The following ELAVL1 variants were observed in gnomAD, a reference collection of about 807,000 sequenced individuals.
The protein encoded by ELAVL1 is ELAV like RNA binding protein 1.
In ELAVL1, 1 loss-of-function variant was observed where a neutral mutation model predicts 28.4. The observed-to-expected ratio is 0.04, with a 90% CI of 0.01 to 0.17. The LOEUF (loss-of-function observed/expected upper bound fraction) is 0.17. Ranked by LOEUF, ELAVL1 falls within the 10% of genes least tolerant of loss-of-function variation. The pLI, the probability that ELAVL1 is intolerant of heterozygous loss-of-function variation, is 1.00. For missense variants in ELAVL1, 157 were observed against 447.2 expected (o/e 0.35, Z 5.85); for synonymous variants, 174 against 183.5 (o/e 0.95, Z 0.42).
intron 4 of ELAVL1, among the ~76,000 whole-genome samples, chr19:7,968,532 G>A (rs1034749359): frequency 3.3e-5 from 5 of 152,186 alleles, no homozygotes; most frequent in African/African-American, 7.2e-5. Context: ...CCACAGGCTC[G>A]CCAGGCAGGC....
chr19:7,965,001 C>T (rs917268775), intron 5 of ELAVL1, among the ~76,000 whole-genome samples: 1 of 152,210 alleles, frequency 6.6e-6, no homozygotes, highest in Admixed American at 6.5e-5. Flanking sequence ...CCGGGGTAAA[C>T]GAGTGCCTTC....
chr19:7,974,154 A>G (rs1985208505), intron 3 of ELAVL1, among the ~76,000 whole-genome samples: 1 of 152,230 alleles, frequency 6.6e-6, no homozygotes, highest in Non-Finnish European at 1.5e-5. Context: ...CCAGCAACTG[A>G]GGGCCCGCAG....
At chr19:7,968,275 A>T (rs1271521801) in intron 4 of ELAVL1, among the ~76,000 whole-genome samples, 2 of 152,182 alleles carry the variant, frequency 1.3e-5, no homozygotes, top group Non-Finnish European at 2.9e-5. Context: ...CCGCTGTGAC[A>T]GCAGGCCTCG....
At position 7,967,767 on chromosome 19, in the gene ELAVL1, T is replaced by C. The variant is rs1462127678; in HGVS notation, c.454A>G (p.Ile152Val). ...GCCTCCGACCGTTTGTCAAACCGGA[T>C]AAACGCAACCCCTCTGGACAAACCT... ...TTGLSRGVAFIRFDKRSEAEE... is the reference protein window; with the variant it reads ...TTGLSRGVAFVRFDKRSEAEE... The change falls in exon 5 of 6, where the codon ATC becomes GTC. Residue 152 changes from isoleucine to valine, a missense_variant. Coordinates refer to ENST00000407627, the MANE Select transcript of ELAVL1 (RefSeq NM_001419.3). 6.2e-7 allele frequency: 1 copy of C among 1,614,176 alleles called. No homozygotes were observed. The highest frequency in any genetic ancestry group is 8.5e-7 in the Non-Finnish European group (1 of 1,180,022).
At chr19:7,980,190 T>C (rs1473619959) in intron 3 of ELAVL1, among the ~76,000 whole-genome samples, 1 of 152,148 alleles carries the variant, frequency 6.6e-6, no homozygotes, top group Non-Finnish European at 1.5e-5. Context: ...TGTGGGTATC[T>C]TGTGAAGGCG....
At chr19:7,995,953 C>A (rs1985863844) in intron 1 of ELAVL1, among the ~76,000 whole-genome samples, 1 of 151,652 alleles carries the variant, frequency 6.6e-6, no homozygotes. Context: ...CACTCCACTG[C>A]CCAGGCTGAA....
At chr19:7,985,833 C>A (rs1327717684) in intron 2 of ELAVL1, among the ~76,000 whole-genome samples, 1 of 152,222 alleles carries the variant, frequency 6.6e-6, no homozygotes, top group African/African-American at 2.4e-5. Context: ...CTTCCCTCAA[C>A]TGGAGGAAGA....
chr19:7,975,546 C>G (rs953710544), intron 3 of ELAVL1, among the ~76,000 whole-genome samples: 1 of 152,232 alleles, frequency 6.6e-6, no homozygotes, highest in African/African-American at 2.4e-5. Context: ...CGGCCAGAAC[C>G]CTCTTTCCTA....
chr19:7,963,896 C>T lies in ELAVL1; in HGVS notation c.657-89G>A. 7.0e-7 allele frequency: 1 copy of T among 1,429,414 alleles called. No individual in the cohort carries two copies. The highest frequency in any genetic ancestry group is 9.4e-7 in the Non-Finnish European group (1 of 1,062,318). 88.5% of individuals were successfully genotyped at this position (1,429,414 alleles called of 1,614,324 possible). A position where few individuals can be genotyped will look rare whatever the true frequency, so the allele number is the denominator to read the frequency against. On this transcript the variant is annotated intron_variant, in intron 5 of 5. Coordinates refer to ENST00000407627, the MANE Select transcript of ELAVL1 (RefSeq NM_001419.3). This position sits in a 1 kb window ranked among gnomAD's most constrained non-coding sequence, Gnocchi z 4.5. The stretch of plus-strand genomic sequence containing the variant: ...CCTGGACGCATGCTGACCATGGCCG[C>T]TGGGCCCCATCCCGCTCTGCGCAGC...
intron 4 of ELAVL1, among the ~76,000 whole-genome samples, chr19:7,971,673 C>G (rs1985115740): frequency 6.6e-6 from 1 of 152,230 alleles, no homozygotes; most frequent in South Asian, 2.1e-4. Flanking sequence ...GAGCCCTGTC[C>G]TTCGGCACTG....
At chr19:7,971,056 C>T (rs966832262) in intron 4 of ELAVL1, among the ~76,000 whole-genome samples, 2 of 152,216 alleles carry the variant, frequency 1.3e-5, no homozygotes, top group African/African-American at 4.8e-5. Flanking sequence ...CTCTGCCTCC[C>T]TCACTGCTCT....
intron 1 of ELAVL1, among the ~76,000 whole-genome samples, chr19:8,004,440 C>T (rs1287176774): frequency 6.6e-6 from 1 of 152,138 alleles, no homozygotes; most frequent in Non-Finnish European, 1.5e-5. Context: ...CCCCCGCAAC[C>T]CGAGCCATCT....
At chr19:7,971,875 C>T (rs539046535) in intron 4 of ELAVL1, among the ~76,000 whole-genome samples, 1 of 152,200 alleles carries the variant, frequency 6.6e-6, no homozygotes, top group Non-Finnish European at 1.5e-5. Flanking sequence ...CCGCCCACCC[C>T]AAAGCACGCA....
intron 2 of ELAVL1, among the ~76,000 whole-genome samples, chr19:7,989,781 A>C (rs1264229663): frequency 6.6e-6 from 1 of 152,210 alleles, no homozygotes; most frequent in Non-Finnish European, 1.5e-5. Context: ...CCCATTGAGA[A>C]GGCGTTTATT....
At chr19:8,003,355 C>CAAAAAAAAAAAAAAAAAAAAAAAA (rs71165248) in intron 1 of ELAVL1, among the ~76,000 whole-genome samples, 3 of 61,086 alleles carry the variant, frequency 4.9e-5, no homozygotes, top group Non-Finnish European at 5.4e-5. Flanking sequence ...GAAACTGTCT[C>CAAAAAAAAAAAAAAAAAAAAAAAA]AAAAAAAAAA....
chr19:7,985,647 C>T lies in ELAVL1; in HGVS notation c.173-4461G>A, dbSNP rs527504885. On this transcript the variant is annotated intron_variant, in intron 2 of 5. Coordinates refer to ENST00000407627, the MANE Select transcript of ELAVL1 (RefSeq NM_001419.3). ...TCCTGCACAGGCCGTGGTGGGCCTG[C>T]CTGGTGTCAGTGCTCGGGGGGCAAA... 2.8e-4 allele frequency among the ~76,000 whole-genome samples: 43 copies of T among 152,242 alleles called. 1 individual carries two copies. The South Asian group carries it at 6.6e-3, about 23-fold the overall frequency.
rs1465327857 is a variant in ELAVL1 at position 7,979,447 on chromosome 19, T to G, written c.276+1636A>C. ...ACACACTGGGCACCCGGCTCCTGCA[T>G]CTGAGTAAACGGAACAGCTGTGCAG... is the stretch of plus-strand genomic sequence containing the variant. On this transcript the variant is annotated intron_variant, in intron 3 of 5. Transcript: ENST00000407627. This position sits in a 1 kb window ranked among gnomAD's most constrained non-coding sequence, Gnocchi z 5.4. Among the ~76,000 whole-genome samples, 1 of 152,254 alleles carries G rather than the reference T, an allele frequency of 6.6e-6. No individual in the cohort carries two copies. Among genetic ancestry groups the G allele is most frequent in the Non-Finnish European group, 1.5e-5 (1 of 68,042 alleles).
chr19:7,987,131 GTGCAGCAA>G (rs1985627883), intron 2 of ELAVL1, among the ~76,000 whole-genome samples: 2 of 132,640 alleles, frequency 1.5e-5, no homozygotes, highest in African/African-American at 5.7e-5. Context: ...GGGGGGGAGG[GTGCAGCAA>G]GTGGGGAGAG....
At position 7,960,868 on chromosome 19, in the gene ELAVL1, G is replaced by T. The variant is rs1314267227; in HGVS notation, c.*2615C>A. On this transcript the variant is annotated 3_prime_UTR_variant, in exon 6 of 6. Transcript: ENST00000407627. ...CCCCTTTGCAAACAGGCCTTGATAA[G>T]ATGTAATGAACTTTGAGGACACAGG... 1 of 152,300 alleles carries T rather than the reference G, an allele frequency of 6.6e-6. No homozygotes were observed. The highest frequency in any genetic ancestry group is 2.1e-4 in the South Asian group (1 of 4,828). The allele number at this position is 152,300 out of a possible 1,614,324, so 9.4% of individuals were successfully genotyped here.
Sources: gnomAD v4.1 joint callset for allele counts (sites outside exome capture counted in the v4.1 genomes callset) on GRCh38, gnomAD v4.1.1 for gene constraint, Gnocchi (gnomAD v3.1) non-coding constraint, MANE v1.5 for transcripts, NCBI Gene and HGNC (gene_info 2026-07-23, HGNC 2026-07-21) for gene names.